The following RAD18 variants were observed in gnomAD, a reference collection of about 807,000 sequenced individuals.
The protein encoded by RAD18 is RAD18 E3 ubiquitin protein ligase.
Under a neutral mutation model 60.4 loss-of-function variants are expected in RAD18, and 47 were observed. That is an observed-to-expected ratio of 0.78 (90% confidence interval 0.62 to 0.99). The LOEUF (loss-of-function observed/expected upper bound fraction) is 0.99. RAD18 is among the 50% of genes least tolerant of loss of function. The pLI, the probability that RAD18 is intolerant of heterozygous loss-of-function variation, is 0.00. For missense variants in RAD18, 640 were observed against 593.3 expected, an observed-to-expected ratio of 1.08 and a Z score of -0.82; for synonymous variants, 225 against 195.5, an observed-to-expected ratio of 1.15 and a Z score of -1.26.
At chr3:8,924,697 T>G (rs1279782057) in intron 7 of RAD18, among the ~76,000 whole-genome samples, 1 of 130,900 alleles carries the variant, frequency 7.6e-6, no homozygotes, top group African/African-American at 2.8e-5. Context: ...GAACAGAAAT[T>G]ATAACAAACT....
intron 7 of RAD18, among the ~76,000 whole-genome samples, chr3:8,914,947 GCTA>G (rs1443724675): frequency 6.6e-6 from 1 of 152,010 alleles, no homozygotes; most frequent in Middle Eastern, 3.2e-3. Context: ...GACCATCCTG[GCTA>G]ACACGATGAA....
At chr3:8,901,760 G>A (rs1216026422) in intron 10 of RAD18, among the ~76,000 whole-genome samples, 1 of 152,156 alleles carries the variant, frequency 6.6e-6, no homozygotes, top group Admixed American at 6.5e-5. Context: ...TGTACTTAAT[G>A]CCAATGACTT....
rs535060936 is a variant in RAD18, at chr3:8,877,682, T to C, written c.*3675A>G. 1 of 152,374 alleles carries C rather than the reference T, an allele frequency of 6.6e-6. No individual in the cohort carries two copies. Among genetic ancestry groups the C allele is most frequent in the African/African-American group, 2.4e-5 (1 of 41,588 alleles). 9.4% of individuals were successfully genotyped at this position (152,374 alleles called of 1,614,324 possible). Reference sequence around the variant, plus strand: ...TACATTAATCTATATAATTACTTAATGCTCATCTTCCCTTCTGATCTACAA... The same window carrying C: ...TACATTAATCTATATAATTACTTAACGCTCATCTTCCCTTCTGATCTACAA... On this transcript the variant is annotated 3_prime_UTR_variant, in exon 13 of 13. Coordinates refer to ENST00000264926, the MANE Select transcript of RAD18 (RefSeq NM_020165.4).
intron 11 of RAD18, among the ~76,000 whole-genome samples, chr3:8,898,379 T>G (rs1027791230): frequency 1.5e-5 from 1 of 64,908 alleles, no homozygotes. Flanking sequence ...TGTGTGTGCA[T>G]GCGTGTGTGT....
At chr3:8,889,987 G>T (rs576617380) in intron 12 of RAD18, 20 of 178,066 alleles carry the variant, frequency 1.1e-4, no homozygotes, top group Admixed American at 7.8e-4. Context: ...ATGCTGTACA[G>T]GTTTGTAGCC....
intron 7 of RAD18, among the ~76,000 whole-genome samples, chr3:8,917,596 A>G (rs1245381454): frequency 1.3e-5 from 2 of 152,186 alleles, no homozygotes; most frequent in Non-Finnish European, 2.9e-5. Flanking sequence ...TGAAAGATGT[A>G]CACTGCAAAC....
At chr3:8,904,479 G>T (rs1339941740) in intron 9 of RAD18, among the ~76,000 whole-genome samples, 1 of 152,000 alleles carries the variant, frequency 6.6e-6, no homozygotes, top group Non-Finnish European at 1.5e-5. Context: ...ACTAATGTTG[G>T]GCTATAAAAT....
At position 8,898,835 on chromosome 3, in the gene RAD18, T is replaced by C. The variant is rs543217530; in HGVS notation, c.1322+59A>G. 2.2e-6 allele frequency: 3 copies of C among 1,337,512 alleles called. No homozygotes were observed. In the East Asian group the frequency reaches 7.4e-5, roughly 33 times the overall value. The allele number at this position is 1,337,512 out of a possible 1,614,324, so 82.9% of individuals were successfully genotyped here. A position where few individuals can be genotyped will look rare whatever the true frequency, so the allele number is the denominator to read the frequency against. On this transcript the variant is annotated intron_variant, in intron 11 of 12. Transcript: ENST00000264926. ...TACATTCTAATTATTTCTGCCTATC[T>C]ATCTACATGTGCATATGAAGTAGAT...
intron 11 of RAD18, among the ~76,000 whole-genome samples, chr3:8,894,125 C>T (rs1939744963): frequency 6.6e-6 from 1 of 152,126 alleles, no homozygotes; most frequent in African/African-American, 2.4e-5. Context: ...CATTGTGCTG[C>T]TTCAATAGTG....
chr3:8,889,511 C>A (rs966859710), intron 12 of RAD18, among the ~76,000 whole-genome samples: 4 of 152,104 alleles, frequency 2.6e-5, no homozygotes, highest in African/African-American at 9.7e-5. Context: ...GGACACAGTG[C>A]TGTAAGCGCC....
chr3:8,886,091 G>GATAAA (rs1939559217), intron 12 of RAD18, among the ~76,000 whole-genome samples: 1 of 152,232 alleles, frequency 6.6e-6, no homozygotes, highest in Non-Finnish European at 1.5e-5. Flanking sequence ...GCCAGTGCTT[G>GATAAA]TTTAGCTGCT....
At chr3:8,942,050 G>C (rs1324633208) in intron 4 of RAD18, among the ~76,000 whole-genome samples, 5 of 152,162 alleles carry the variant, frequency 3.3e-5, no homozygotes. Flanking sequence ...CAGCTTATAT[G>C]AGACCTAATC....
chr3:8,956,750 T>TTAAAAAAAAAAA (rs763112218), intron 2 of RAD18, among the ~76,000 whole-genome samples: 3 of 137,772 alleles, frequency 2.2e-5, no homozygotes, highest in Non-Finnish European at 4.5e-5. Flanking sequence ...ATTCATGATT[T>TTAAAAAAAAAAA]AAAAAAAAAA....
Position 8,918,116 on chromosome 3 carries a change from G to A in RAD18, c.890-4396C>T, listed in dbSNP as rs186910063. Among the ~76,000 whole-genome samples the A allele has an allele frequency of 2.8e-3, 423 of 152,100 alleles. 4 individuals carry two copies. Among genetic ancestry groups the A allele is most frequent in the African/African-American group, 1.0e-2 (414 of 41,498 alleles). On this transcript the variant is annotated intron_variant, in intron 7 of 12. Transcript: ENST00000264926. Reference sequence around the variant, plus strand: ...GTGGATCACCTGAGGTCAGGAGTTCGAGACCAGCCTGACCAACATGGTGAA... The same window carrying A: ...GTGGATCACCTGAGGTCAGGAGTTCAAGACCAGCCTGACCAACATGGTGAA...
chr3:8,958,599 T>C (rs1203888048), intron 2 of RAD18, among the ~76,000 whole-genome samples: 1 of 152,254 alleles, frequency 6.6e-6, no homozygotes, highest in Non-Finnish European at 1.5e-5. Context: ...TCTGTTATCC[T>C]GTTAAAAACA....
intron 9 of RAD18, among the ~76,000 whole-genome samples, chr3:8,904,806 G>A (rs560805864): frequency 6.6e-6 from 1 of 152,268 alleles, no homozygotes; most frequent in South Asian, 2.1e-4. Flanking sequence ...TCCTACTAAG[G>A]CCATTCCACT....
chr3:8,941,206 A>C (rs1424971141), intron 5 of RAD18, among the ~76,000 whole-genome samples: 1 of 152,208 alleles, frequency 6.6e-6, no homozygotes, highest in Non-Finnish European at 1.5e-5. Context: ...GAAAGATTAA[A>C]AGCTGAAAAC....
At chr3:8,898,800 G>T (rs1285102771) in intron 11 of RAD18, 94 bp downstream of exon 11, 4 of 1,090,846 alleles carry the variant, frequency 3.7e-6, no homozygotes, top group East Asian at 2.6e-5. Flanking sequence ...ACCATGCCAT[G>T]CCTCAAAGCT....
intron 12 of RAD18, among the ~76,000 whole-genome samples, chr3:8,884,666 T>C (rs1438010003): frequency 6.6e-6 from 1 of 152,184 alleles, no homozygotes; most frequent in Admixed American, 6.5e-5. Context: ...TTTGCCTTTA[T>C]GATAGCTGGC....
Sources: allele counts gnomAD v4.1 joint callset (sites outside exome capture counted in the v4.1 genomes callset), GRCh38; gene constraint gnomAD v4.1.1; transcripts MANE v1.5; gene names NCBI Gene and HGNC (gene_info 2026-07-23, HGNC 2026-07-21).